Variants in SYTL5 observed in about 807,000 individuals in gnomAD.
SYTL5 encodes the protein synaptotagmin-like protein 5.
A neutral mutation model predicts 55.9 loss-of-function variants in SYTL5; 34 were observed. That is an observed-to-expected ratio of 0.61 (90% CI 0.46 to 0.81). The LOEUF is 0.81. Among genes scored for constraint, SYTL5 ranks in the 30% least tolerant of loss-of-function variants. The pLI is 0.00. For synonymous variants in SYTL5, 221 were observed against 188.7 expected (o/e 1.17, Z -1.40); for missense variants, 637 against 546.7 (o/e 1.17, Z -1.65).
chrX:37,984,547 AC>A, the SYTL5 span, among the ~76,000 whole-genome samples: 1 of 111,914 alleles, frequency 8.9e-6, no homozygotes, highest in Non-Finnish European at 1.9e-5. Flanking sequence ...GGTGAATGCT[AC>A]CAAATATTTA....
At chrX:38,027,046 C>T (rs371744059) in intron 1 of SYTL5, among the ~76,000 whole-genome samples, 1 of 111,558 alleles carries the variant, frequency 9.0e-6, no homozygotes, top group Admixed American at 9.5e-5. Context: ...TGATGATATT[C>T]CTGCCTAACT....
chrX:37,905,154 G>A, the SYTL5 span, among the ~76,000 whole-genome samples: 2 of 110,960 alleles, frequency 1.8e-5, no homozygotes, highest in Non-Finnish European at 3.8e-5. Context: ...TGGAGCCTTG[G>A]CTTTTCTTAC....
At chrX:37,946,827 G>A in the SYTL5 span, 1 of 113,706 alleles carries the variant, frequency 8.8e-6, no homozygotes, top group African/African-American at 3.2e-5. Context: ...ATTGAAACTA[G>A]TAGCTAACAT....
chrX:37,922,270 G>A, the SYTL5 span, among the ~76,000 whole-genome samples: 1 of 111,720 alleles, frequency 9.0e-6, no homozygotes, highest in Admixed American at 9.5e-5. Context: ...GATATTTGTG[G>A]CAATGTCACT....
intron 6 of SYTL5, among the ~76,000 whole-genome samples, chrX:38,087,183 C>T (rs1936677319): frequency 1.8e-5 from 2 of 111,078 alleles, no homozygotes; most frequent in African/African-American, 6.5e-5. Flanking sequence ...CAAGATTGAC[C>T]CCTGCCCTTT....
Position 38,073,705 on chromosome X carries a change from C to T in SYTL5, c.554+7C>T. The T allele has an allele frequency of 8.9e-7, 1 of 1,119,273 alleles. No individual in the cohort carries two copies. The highest frequency in any genetic ancestry group is 1.2e-6 in the Non-Finnish European group (1 of 827,858). 92.2% of individuals were successfully genotyped at this position (1,119,273 alleles called of 1,213,427 possible). ...ATGGGCCCAAGAGAAAGGGGTAAGA[C>T]ATGGTCTTTCTGAGGGAATTTTTGA... On this transcript the variant is annotated splice_region_variant and intron_variant, in intron 5 of 16. Transcript: ENST00000297875.
At chrX:38,114,574 T>C (rs948946757) in intron 13 of SYTL5, among the ~76,000 whole-genome samples, 19 of 112,037 alleles carry the variant, frequency 1.7e-4, no homozygotes, top group African/African-American at 5.2e-4. Flanking sequence ...AAAAATTGTA[T>C]ATATTTATCA....
chrX:37,893,461 T>G, the SYTL5 span, among the ~76,000 whole-genome samples: 19 of 95,055 alleles, frequency 2.0e-4, no homozygotes, highest in African/African-American at 6.8e-4. Context: ...ATAATCTATA[T>G]ATAATATATA....
chrX:37,980,323 T>G, the SYTL5 span, among the ~76,000 whole-genome samples: 1 of 111,563 alleles, frequency 9.0e-6, no homozygotes, highest in Non-Finnish European at 1.9e-5. Context: ...GAGCCTGGGG[T>G]TCTAGTGGTT....
intron 16 of SYTL5, among the ~76,000 whole-genome samples, chrX:38,126,076 G>A (rs944287629): frequency 5.3e-5 from 6 of 112,152 alleles, no homozygotes; most frequent in African/African-American, 1.9e-4. Context: ...AGTAGAGCAC[G>A]TGCATTCCCC....
At chrX:37,984,849 G>A in the SYTL5 span, among the ~76,000 whole-genome samples, 2 of 111,918 alleles carry the variant, frequency 1.8e-5, no homozygotes, top group African/African-American at 6.5e-5. Context: ...ATTAATTAAT[G>A]TAATACACTA....
chrX:38,112,282 A>G (rs758666329), intron 13 of SYTL5, among the ~76,000 whole-genome samples: 2 of 111,723 alleles, frequency 1.8e-5, no homozygotes, highest in East Asian at 5.6e-4. Flanking sequence ...ACCCGCTGCC[A>G]CAAGACAACC....
chrX:38,106,813 C>A, intron 11 of SYTL5, 42 bp downstream of exon 11: 1 of 1,069,982 alleles, frequency 9.3e-7, no homozygotes, highest in South Asian at 2.4e-5. Context: ...CAGTCACTGC[C>A]TTTTTTGTCT....
intron 3 of SYTL5, among the ~76,000 whole-genome samples, chrX:38,063,997 C>A (rs905494575): frequency 9.1e-6 from 1 of 109,802 alleles, no homozygotes; most frequent in Non-Finnish European, 1.9e-5. Flanking sequence ...GATCATGACC[C>A]ATTGGTGGGT....
the SYTL5 span, among the ~76,000 whole-genome samples, chrX:37,940,163 C>CA: frequency 9.9e-5 from 11 of 110,670 alleles, no homozygotes; most frequent in African/African-American, 3.3e-4. Context: ...AGGAGAGAGC[C>CA]ATTCTCCAAC....
chrX:38,016,971 A>G (rs553807411), intron 1 of SYTL5, among the ~76,000 whole-genome samples: 1 of 112,425 alleles, frequency 8.9e-6, no homozygotes, highest in African/African-American at 3.2e-5. Context: ...ATAAGCCTCT[A>G]CTGCAGAGCA....
intron 2 of SYTL5, among the ~76,000 whole-genome samples, chrX:38,038,211 G>T (rs1281078989): frequency 8.9e-6 from 1 of 111,919 alleles, no homozygotes; most frequent in African/African-American, 3.2e-5. Flanking sequence ...TGGGCTCCCA[G>T]TGGTCCAGTT....
At chrX:38,020,724 G>A (rs780677554) in intron 1 of SYTL5, among the ~76,000 whole-genome samples, 251 of 109,683 alleles carry the variant, frequency 2.3e-3, no homozygotes, top group Non-Finnish European at 4.1e-3. Context: ...TTTTAATGAC[G>A]TATTGCTTAA....
At chrX:37,942,317 T>G in the SYTL5 span, among the ~76,000 whole-genome samples, 1 of 112,179 alleles carries the variant, frequency 8.9e-6, no homozygotes, top group African/African-American at 3.2e-5. Context: ...ATGAGTCATG[T>G]CAAGTATTAC....
Sources: allele counts gnomAD v4.1 joint callset (sites outside exome capture counted in the v4.1 genomes callset), GRCh38; gene constraint gnomAD v4.1.1; transcripts MANE v1.5; gene names NCBI Gene and HGNC (gene_info 2026-07-23, HGNC 2026-07-21).